Variants in DCLK1 observed in about 807,000 individuals in gnomAD.
DCLK1 encodes serine/threonine-protein kinase DCLK1.
DCLK1 carries 16 observed loss-of-function variants against 86.2 expected under a neutral mutation model. The observed-to-expected ratio is 0.19, with a 90% CI of 0.13 to 0.28. The LOEUF (loss-of-function observed/expected upper bound fraction) is 0.28, where lower values mean the gene tolerates loss of function less well. Among genes scored for constraint, DCLK1 ranks in the 10% least tolerant of loss-of-function variants. DCLK1 has a pLI of 1.00. For missense variants in DCLK1, 590 were observed against 940.2 expected, an observed-to-expected ratio of 0.63 and a Z score of 4.87; for synonymous variants, 369 against 370.5, an observed-to-expected ratio of 1.00 and a Z score of 0.05.
Position 35,809,049 on chromosome 13 carries a change from T to C in DCLK1, c.1735A>G (p.Ile579Val). Residue 579 changes from isoleucine (I) to valine (V), a missense_variant, in exon 13 of 17, where the codon ATC becomes GTC. Ile to Val is a conservative substitution (Grantham distance 29). This residue lies in a region of DCLK1 where 28 missense variants were observed against 77.1 expected (regional missense o/e 0.36). Transcript: ENST00000360631. ...AATGGAGGGAAACCACACAGCAGGA[T>C]ATAAGTGATTACACCTGCTGCCCAG... ...DIWAAGVITY[I>V]LLCGFPPFRG... 6.2e-7 allele frequency: 1 copy of C among 1,612,804 alleles called. No homozygotes were observed. Among genetic ancestry groups the C allele is most frequent in the Non-Finnish European group, 8.5e-7 (1 of 1,179,162 alleles).
intron 3 of DCLK1, among the ~76,000 whole-genome samples, chr13:36,111,427 G>A (rs571976431): frequency 6.6e-6 from 1 of 152,282 alleles, no homozygotes; most frequent in South Asian, 2.1e-4. Context: ...TAAAATGTAA[G>A]TAAATCTCAC....
chr13:35,974,435 AT>A (rs1233203283), intron 3 of DCLK1, among the ~76,000 whole-genome samples: 1 of 152,188 alleles, frequency 6.6e-6, no homozygotes, highest in East Asian at 1.9e-4. Flanking sequence ...GGCTGATATG[AT>A]TTAGCTCTAT....
intron 4 of DCLK1, among the ~76,000 whole-genome samples, chr13:35,916,282 T>C (rs1466169666): frequency 6.6e-6 from 1 of 152,222 alleles, no homozygotes; most frequent in African/African-American, 2.4e-5. Context: ...AAATGAGCAT[T>C]TGAAAGGGAT....
chr13:35,936,962 C>CTTTTTTGTTTTTTTTTTTTTTTTTT (rs1876787551), intron 4 of DCLK1, among the ~76,000 whole-genome samples: 3 of 65,712 alleles, frequency 4.6e-5, no homozygotes, highest in Non-Finnish European at 3.0e-5. Context: ...GAAAAGTTAG[C>CTTTTTTGTTTTTTTTTTTTTTTTTT]TTTTTTTTTT....
chr13:36,127,269 A>G (rs1886220841), intron 1 of DCLK1, among the ~76,000 whole-genome samples: 1 of 152,358 alleles, frequency 6.6e-6, no homozygotes, highest in African/African-American at 2.4e-5. Context: ...TATATTTAGT[A>G]CTTCAGAAAA....
At chr13:36,122,407 C>G (rs1229883063) in intron 2 of DCLK1, among the ~76,000 whole-genome samples, 1 of 152,278 alleles carries the variant, frequency 6.6e-6, no homozygotes, top group East Asian at 1.9e-4. Context: ...GATTACATAT[C>G]TACAGAGTTT....
At chr13:36,011,950 C>G (rs560058234) in intron 3 of DCLK1, among the ~76,000 whole-genome samples, 7 of 150,512 alleles carry the variant, frequency 4.7e-5, no homozygotes, top group African/African-American at 1.5e-4. Flanking sequence ...GTTAGCTCCT[C>G]TTGTTGAATT....
At chr13:35,782,280 C>T (rs1239991486) in intron 16 of DCLK1, among the ~76,000 whole-genome samples, 2 of 152,122 alleles carry the variant, frequency 1.3e-5, no homozygotes, top group Non-Finnish European at 2.9e-5. Flanking sequence ...GTTAAAATTA[C>T]AGCCAATTGG....
intron 3 of DCLK1, among the ~76,000 whole-genome samples, chr13:35,981,301 G>A (rs1879626473): frequency 6.6e-6 from 1 of 152,018 alleles, no homozygotes; most frequent in Non-Finnish European, 1.5e-5. Context: ...GCATGTGTCA[G>A]AATTTCCTTG....
At chr13:36,041,369 C>T (rs75871458) in intron 3 of DCLK1, among the ~76,000 whole-genome samples, 2 of 152,252 alleles carry the variant, frequency 1.3e-5, no homozygotes, top group East Asian at 3.9e-4. Context: ...TTCCAGCATA[C>T]ATCTATAGTA....
intron 4 of DCLK1, among the ~76,000 whole-genome samples, chr13:35,918,892 G>GTGTTTTTTTTTTTTTTTTTT (rs780502143): frequency 1.3e-5 from 1 of 76,308 alleles, no homozygotes; most frequent in East Asian, 3.8e-4. Context: ...TTCTGAGTGT[G>GTGTTTTTTTTTTTTTTTTTT]TTTTTTTTTT....
At chr13:36,063,609 C>T (rs376382333) in intron 3 of DCLK1, among the ~76,000 whole-genome samples, 1 of 152,142 alleles carries the variant, frequency 6.6e-6, no homozygotes, top group East Asian at 1.9e-4. Context: ...GTGACCACAC[C>T]TGCCAGACCA....
At position 36,126,061 on chromosome 13, in the gene DCLK1, C is replaced by T. The variant is rs1445277054; in HGVS notation, c.77G>A (p.Arg26Gln). 6.2e-7 allele frequency: 1 copy of T among 1,613,032 alleles called. No homozygotes were observed. Among genetic ancestry groups the T allele is most frequent in the Non-Finnish European group, 8.5e-7 (1 of 1,179,966 alleles). ...CGTCGGGCTCGGCAGGCCGTTCACC[C>T]GCGACCCTCGGCTGTATCTCTGCGC... ...DKAQRYSRGS[R>Q]VNGLPSPTHS... Residue 26 changes from arginine (R) to glutamine (Q), a missense_variant, in exon 2 of 17, where the codon CGG (arginine) becomes CAG (glutamine). By Grantham distance (43) the Arg-to-Gln change is conservative. This residue lies in a region of DCLK1 where 50 missense variants were observed against 47.8 expected (regional missense o/e 1.05). Coordinates refer to ENST00000360631, the MANE Select transcript of DCLK1 (RefSeq NM_001330071.2).
At chr13:36,087,311 G>A (rs1301144222) in intron 3 of DCLK1, among the ~76,000 whole-genome samples, 3 of 152,172 alleles carry the variant, frequency 2.0e-5, no homozygotes, top group Admixed American at 6.5e-5. Context: ...CTACATGATA[G>A]AGACTGTTTA....
chr13:35,814,269 A>G (rs1186064095), intron 11 of DCLK1, among the ~76,000 whole-genome samples: 4 of 152,218 alleles, frequency 2.6e-5, no homozygotes, highest in African/African-American at 7.2e-5. Context: ...ACGCGCGCAC[A>G]CACGCACACA....
intron 4 of DCLK1, among the ~76,000 whole-genome samples, chr13:35,911,251 G>A (rs777470922): frequency 6.1e-4 from 91 of 150,296 alleles, no homozygotes; most frequent in South Asian, 6.3e-4. Flanking sequence ...CAGAGGTTGC[G>A]CCACTGCACT....
At chr13:36,093,192 T>C (rs1033696104) in intron 3 of DCLK1, among the ~76,000 whole-genome samples, 2 of 152,240 alleles carry the variant, frequency 1.3e-5, no homozygotes, top group African/African-American at 4.8e-5. Flanking sequence ...GAAGGACTGC[T>C]CACATAGCTA....
intron 3 of DCLK1, among the ~76,000 whole-genome samples, chr13:35,976,305 G>A (rs1344170154): frequency 1.3e-5 from 2 of 152,044 alleles, no homozygotes; most frequent in Non-Finnish European, 2.9e-5. Context: ...TGACTTTGGA[G>A]CAGCTGCAGC....
At chr13:36,050,749 T>G (rs1304758779) in intron 3 of DCLK1, among the ~76,000 whole-genome samples, 2 of 152,184 alleles carry the variant, frequency 1.3e-5, no homozygotes, top group African/African-American at 4.8e-5. Flanking sequence ...TCTCCACCGG[T>G]GTCCCTTGTG....
Sources: allele counts gnomAD v4.1 joint callset (sites outside exome capture counted in the v4.1 genomes callset), GRCh38; gene constraint gnomAD v4.1.1; regional missense constraint gnomAD v4.1.1; transcripts MANE v1.5; gene names NCBI Gene and HGNC (gene_info 2026-07-23, HGNC 2026-07-21).